Variants in EMC1 observed in about 807,000 individuals in gnomAD.
The protein encoded by EMC1 is KIAA0090.
Under a neutral mutation model 128.8 loss-of-function variants are expected in EMC1, and 103 were observed. That is an observed-to-expected ratio of 0.80 (90% CI 0.68 to 0.94). EMC1 has a LOEUF of 0.94. Among genes scored for constraint, EMC1 ranks in the 40% least tolerant of loss-of-function variants. The probability of loss-of-function intolerance (pLI) is 0.00; values close to 1 mark genes in which losing one functional copy is unlikely to be tolerated. For missense variants in EMC1, 1,083 were observed against 1,250.6 expected (o/e 0.87, Z 2.02); for synonymous variants, 442 against 490.4 (o/e 0.90, Z 1.30).
At chr1:19,238,947 C>T in intron 9 of EMC1, 90 bp from the exon 10 acceptor site, 1 of 968,896 alleles carries the variant, frequency 1.0e-6, no homozygotes, top group Non-Finnish European at 1.7e-6. Context: ...CTTCTTAGCA[C>T]TTGAGAGAAG....
Position 19,220,845 on chromosome 1 carries a change from C to A in EMC1, c.2591G>T (p.Gly864Val), listed in dbSNP as rs2093425936. ...GGAAAGAATTGCTCCAGAAGGTAGT[C>A]CAACTACACAGGAGGAAGTGAATGT... ...RGITSRHLLI[G>V]LPSGAILSLP... is the part of the protein sequence containing the mutation. Residue 864 changes from glycine (G) to valine (V), a missense_variant, in exon 21 of 23, where the codon GGA (glycine) becomes GTA (valine). This residue lies in a region of EMC1 where 527 missense variants were observed against 644.1 expected (regional missense o/e 0.82). Coordinates refer to ENST00000477853, the MANE Select transcript of EMC1 (RefSeq NM_015047.3). 1 of 1,611,988 alleles carries A rather than the reference C, an allele frequency of 6.2e-7. No individual in the cohort carries two copies. Among genetic ancestry groups the A allele is most frequent in the Non-Finnish European group, 8.5e-7 (1 of 1,178,634 alleles).
At position 19,244,869 on chromosome 1, in the gene EMC1, T is replaced by C. The variant is rs368987964; in HGVS notation, c.220+37A>G. On this transcript the variant is annotated intron_variant, in intron 2 of 22. Transcript: ENST00000477853. The stretch of plus-strand genomic sequence containing the variant: ...TTGGCAATGGTAAGTCTTTCATCCC[T>C]GAGGCAGCCAGTAGACACAGTTCTC... The C allele has an allele frequency of 2.5e-6, 4 of 1,610,938 alleles. No individual in the cohort carries two copies. In the Admixed American group the frequency reaches 5.0e-5, roughly 20 times the overall value.
chr1:19,229,050 A>T (rs2093500216), intron 17 of EMC1, among the ~76,000 whole-genome samples: 1 of 152,232 alleles, frequency 6.6e-6, no homozygotes, highest in South Asian at 2.1e-4. Flanking sequence ...TCTCTAAAAA[A>T]AAATAAATAA....
intron 1 of EMC1, among the ~76,000 whole-genome samples, chr1:19,246,069 C>T (rs1176957027): frequency 2.0e-5 from 3 of 152,090 alleles, no homozygotes; most frequent in African/African-American, 7.2e-5. Flanking sequence ...CACACCATTG[C>T]ACTCCAACCT....
intron 12 of EMC1, among the ~76,000 whole-genome samples, chr1:19,235,935 G>T (rs185526280): frequency 6.6e-6 from 1 of 152,034 alleles, no homozygotes; most frequent in South Asian, 2.1e-4. Flanking sequence ...CTGTCTCCCA[G>T]ATTTTCTAGA....
At chr1:19,236,893 G>A (rs548602284) in intron 12 of EMC1, among the ~76,000 whole-genome samples, 145 of 145,604 alleles carry the variant, frequency 1.0e-3, no homozygotes, top group African/African-American at 3.3e-3. Context: ...GCTTGAATCC[G>A]AAAGGTGGAG....
chr1:19,239,296 G>C lies in EMC1; in HGVS notation c.961C>G (p.Leu321Val). 6.2e-7 allele frequency: 1 copy of C among 1,614,110 alleles called. No homozygotes were observed. Among genetic ancestry groups the C allele is most frequent in the Non-Finnish European group, 8.5e-7 (1 of 1,179,962 alleles). Reference protein sequence around the residue: ...SLLKNFPQTALVSFATTGEKT... With the variant: ...SLLKNFPQTAVVSFATTGEKT... ...TCCCCAGTGGTGGCAAAGCTCACTA[G>C]GGCAGTCTGGGGGAAAAGCAAGGCA... Residue 321 changes from leucine to valine, a missense_variant, in exon 9 of 23, where the codon CTA becomes GTA. By Grantham distance (32) the Leu-to-Val change is conservative. Transcript: ENST00000477853.
At chr1:19,223,019 A>T in intron 19 of EMC1, 185 bp from the exon 20 acceptor site, 1 of 580,300 alleles carries the variant, frequency 1.7e-6, no homozygotes, top group Admixed American at 3.3e-5. Context: ...TAGGCTATCG[A>T]AAGTTCACCA....
chr1:19,226,501 CTA>C (rs1007247470), intron 18 of EMC1, among the ~76,000 whole-genome samples: 7 of 151,876 alleles, frequency 4.6e-5, no homozygotes, highest in Non-Finnish European at 7.4e-5. Context: ...CAGGGTTTTA[CTA>C]TGTTTCCTAG....
At chr1:19,239,647 T>TA in intron 8 of EMC1, 171 bp downstream of exon 8, 2 of 641,754 alleles carry the variant, frequency 3.1e-6, no homozygotes, top group Non-Finnish European at 5.4e-6. Context: ...CAGGAGGAAA[T>TA]ACACCATTTC....
intron 4 of EMC1, 62 bp from the exon 5 acceptor site, chr1:19,242,535 G>C: frequency 6.3e-7 from 1 of 1,590,022 alleles, no homozygotes; most frequent in Non-Finnish European, 8.6e-7. Context: ...GGGAGAGACA[G>C]TCCAGAACAG....
chr1:19,223,254 G>C, intron 19 of EMC1, 142 bp downstream of exon 19: 3 of 751,024 alleles, frequency 4.0e-6, no homozygotes, highest in South Asian at 1.8e-5. Flanking sequence ...CCTGAGCCCA[G>C]TGCCCTAACC....
chr1:19,231,046 T>C, intron 16 of EMC1, 83 bp from the exon 17 acceptor site: 1 of 1,545,084 alleles, frequency 6.5e-7, no homozygotes, highest in South Asian at 1.1e-5. Flanking sequence ...TGCAAATCAG[T>C]TGATTTGAAC....
At chr1:19,241,371 TAGA>T (rs763909745) in intron 5 of EMC1, among the ~76,000 whole-genome samples, 1 of 150,400 alleles carries the variant, frequency 6.6e-6, no homozygotes, top group Non-Finnish European at 1.5e-5. Flanking sequence ...TTCCTACGGT[TAGA>T]AGATGTGGCA....
At chr1:19,224,517 C>A (rs1471711505) in intron 18 of EMC1, among the ~76,000 whole-genome samples, 9 of 152,180 alleles carry the variant, frequency 5.9e-5, no homozygotes, top group African/African-American at 2.2e-4. Flanking sequence ...CTCTGTAACA[C>A]ACATATACCT....
chr1:19,244,049 C>T (rs1049539797), intron 2 of EMC1, 34 bp from the exon 3 acceptor site: 3 of 1,601,474 alleles, frequency 1.9e-6, no homozygotes, highest in Non-Finnish European at 1.7e-6. Context: ...TTACTATGAA[C>T]AAAAGGTGGC....
chr1:19,228,691 C>T (rs2093496476), intron 17 of EMC1, among the ~76,000 whole-genome samples: 1 of 151,888 alleles, frequency 6.6e-6, no homozygotes, highest in Middle Eastern at 3.2e-3. Flanking sequence ...AGGTAGAAAA[C>T]CCATTAAATG....
chr1:19,219,267 C>T lies in EMC1; in HGVS notation c.*36G>A, dbSNP rs767287847. 5.0e-6 allele frequency: 8 copies of T among 1,610,434 alleles called. No individual in the cohort carries two copies. The East Asian group carries it at 1.8e-4, about 36-fold the overall frequency. Reference sequence around the variant, plus strand: ...GTAGCTGCTTATCTGACCCACACTCCCCTGGCTCTCCACTTTTAGGCACAG... The same window carrying T: ...GTAGCTGCTTATCTGACCCACACTCTCCTGGCTCTCCACTTTTAGGCACAG... On this transcript the variant is annotated 3_prime_UTR_variant, in exon 23 of 23. Transcript: ENST00000477853.
intron 13 of EMC1, among the ~76,000 whole-genome samples, chr1:19,233,762 G>T (rs911054354): frequency 3.3e-5 from 5 of 152,178 alleles, no homozygotes; most frequent in African/African-American, 1.2e-4. Flanking sequence ...ATGGTCTCTG[G>T]AATCTAGCAG....
Sources: allele counts gnomAD v4.1 joint callset (sites outside exome capture counted in the v4.1 genomes callset), GRCh38; gene constraint gnomAD v4.1.1; regional missense constraint gnomAD v4.1.1; transcripts MANE v1.5; gene names NCBI Gene and HGNC (gene_info 2026-07-23, HGNC 2026-07-21).